The following ZNF254 variants were observed in gnomAD, a reference collection of about 807,000 sequenced individuals.
ZNF254 encodes zinc finger protein 254.
In ZNF254, 10 loss-of-function variants were observed where a neutral mutation model predicts 12.4. That is an observed-to-expected ratio of 0.80 (90% CI 0.50 to 1.36). The LOEUF (loss-of-function observed/expected upper bound fraction) is 1.36, where lower values mean the gene tolerates loss of function less well. Ranked by LOEUF, ZNF254 falls within the 40% of genes most tolerant of loss-of-function variation. The pLI, the probability that ZNF254 is intolerant of heterozygous loss-of-function variation, is 0.00. For missense variants in ZNF254, 996 were observed against 763.9 expected (o/e 1.30, Z -3.58); for synonymous variants, 305 against 253.4 (o/e 1.20, Z -1.93).
chr19:24,070,471 T>A (rs1243438671), intron 2 of ZNF254, among the ~76,000 whole-genome samples: 1 of 151,920 alleles, frequency 6.6e-6, no homozygotes, highest in Non-Finnish European at 1.5e-5. Flanking sequence ...ACAGCTGGGC[T>A]GGTGACTCAG....
chr19:24,095,359 T>C (rs1972612407), intron 1 of ZNF254, among the ~76,000 whole-genome samples: 2 of 152,204 alleles, frequency 1.3e-5, no homozygotes, highest in Non-Finnish European at 2.9e-5. Context: ...GTTTGTTTTA[T>C]CTTTGCCAGG....
chr19:24,116,364 G>A (rs940430746), intron 3 of ZNF254, among the ~76,000 whole-genome samples: 36 of 152,114 alleles, frequency 2.4e-4, no homozygotes, highest in African/African-American at 7.9e-4. Context: ...TTTTCACATA[G>A]TCCCATATTT....
At chr19:24,040,811 T>C (rs1970126735) in intron 1 of ZNF254, among the ~76,000 whole-genome samples, 1 of 152,214 alleles carries the variant, frequency 6.6e-6, no homozygotes, top group African/African-American at 2.4e-5. Context: ...TGGCAAAGCA[T>C]GTGATCCTCT....
intron 2 of ZNF254, among the ~76,000 whole-genome samples, chr19:24,077,364 A>G (rs1299991369): frequency 1.3e-5 from 2 of 152,184 alleles, no homozygotes; most frequent in African/African-American, 4.8e-5. Context: ...CCTTGGCAGA[A>G]TAAACTTTCC....
chr19:24,050,406 C>T (rs1009135829), intron 2 of ZNF254, among the ~76,000 whole-genome samples: 5 of 152,142 alleles, frequency 3.3e-5, no homozygotes, highest in African/African-American at 4.8e-5. Context: ...CCAGTCCACC[C>T]GCCTTGACCT....
chr19:24,118,043 C>CT (rs1346513995), intron 3 of ZNF254, among the ~76,000 whole-genome samples: 2 of 149,816 alleles, frequency 1.3e-5, no homozygotes, highest in African/African-American at 4.9e-5. Flanking sequence ...ACATGGGTTT[C>CT]TTTTTTTTCT....
chr19:24,050,470 A>G (rs551388888), intron 2 of ZNF254, among the ~76,000 whole-genome samples: 1 of 152,152 alleles, frequency 6.6e-6, no homozygotes, highest in Admixed American at 6.5e-5. Flanking sequence ...CCCTTTGACT[A>G]TTTTATGTGA....
At chr19:24,084,146 T>C (rs879913388), upstream of ZNF254, among the ~76,000 whole-genome samples, 26 of 147,740 alleles carry the variant, frequency 1.8e-4, no homozygotes, top group Non-Finnish European at 2.8e-4. Flanking sequence ...ACATTTTCTT[T>C]ATATATATAT....
intron 2 of ZNF254, chr19:24,066,261 G>A (rs936159841): frequency 6.6e-6 from 1 of 152,170 alleles, no homozygotes; most frequent in African/African-American, 2.4e-5. Context: ...TTACAGGAAA[G>A]ATGATTGACA....
intron 1 of ZNF254, among the ~76,000 whole-genome samples, chr19:24,037,142 A>G (rs1969996603): frequency 6.6e-6 from 1 of 152,204 alleles, no homozygotes; most frequent in Non-Finnish European, 1.5e-5. Flanking sequence ...AGCATAAACC[A>G]GTCTTTCCAG....
intron 3 of ZNF254, among the ~76,000 whole-genome samples, chr19:24,115,198 T>G (rs549796117): frequency 1.3e-5 from 2 of 151,954 alleles, no homozygotes; most frequent in Non-Finnish European, 2.9e-5. Context: ...GGACTATAAA[T>G]CATGCTGCTA....
At chr19:24,055,675 G>C (rs1217056418) in intron 2 of ZNF254, among the ~76,000 whole-genome samples, 1 of 152,144 alleles carries the variant, frequency 6.6e-6, no homozygotes, top group African/African-American at 2.4e-5. Context: ...ATCACACCTA[G>C]AGGAAGTCAA....
rs779371659 is a variant in ZNF254, at chr19:24,126,626, C to T, written c.626C>T (p.Ser209Phe). 1 of 1,609,706 alleles carries T rather than the reference C, an allele frequency of 6.2e-7. No individual in the cohort carries two copies. Among genetic ancestry groups the T allele is most frequent in the South Asian group, 1.1e-5 (1 of 89,884 alleles). Reference sequence around the variant, plus strand: ...AAAAGCATTTATCATAGAGAGAAGTCCTACAAATGTAAAGAATGTGGAAAA... The same window carrying T: ...AAAAGCATTTATCATAGAGAGAAGTTCTACAAATGTAAAGAATGTGGAAAA... ...QHKSIYHREK[S>F]YKCKECGKTF... The change falls in exon 4 of 4, where the codon TCC becomes TTC. Residue 209 changes from serine to phenylalanine, a missense_variant. Ser to Phe is a radical substitution (Grantham distance 155). Transcript: ENST00000357002.
At position 24,127,349 on chromosome 19, in the gene ZNF254, C is replaced by T. The variant is rs751375448; in HGVS notation, c.1349C>T (p.Thr450Ile). ...GCATTTATCTGGTCCTCAACCCTTA[C>T]TAAACATAAGAGAATTCATACTAGA... Reference protein sequence around the residue: ...GKAFIWSSTLTKHKRIHTREK... With the variant: ...GKAFIWSSTLIKHKRIHTREK... Residue 450 changes from threonine (T) to isoleucine (I), a missense_variant, in exon 4 of 4, where the codon ACT becomes ATT. Transcript: ENST00000357002. The T allele has an allele frequency of 7.4e-6, 12 of 1,613,510 alleles. No homozygotes were observed. The highest frequency in any genetic ancestry group is 1.0e-5 in the Non-Finnish European group (12 of 1,179,820).
intron 2 of ZNF254, among the ~76,000 whole-genome samples, chr19:24,074,779 G>T (rs1181888916): frequency 6.6e-6 from 1 of 152,116 alleles, no homozygotes; most frequent in Non-Finnish European, 1.5e-5. Flanking sequence ...ATTGTGATAT[G>T]TAGCTGGGTC....
At chr19:24,102,721 TAC>T (rs2145781566) in intron 1 of ZNF254, among the ~76,000 whole-genome samples, 1 of 152,324 alleles carries the variant, frequency 6.6e-6, no homozygotes, top group African/African-American at 2.4e-5. Flanking sequence ...AACCAGTGTT[TAC>T]AGAGACATTC....
At chr19:24,063,641 T>G (rs1028638472) in intron 2 of ZNF254, among the ~76,000 whole-genome samples, 5 of 152,212 alleles carry the variant, frequency 3.3e-5, no homozygotes, top group African/African-American at 1.2e-4. Context: ...TGACTTACTT[T>G]TCCTGCCTGT....
chr19:24,111,268 C>A (rs1251635018), intron 3 of ZNF254, among the ~76,000 whole-genome samples: 1 of 152,140 alleles, frequency 6.6e-6, no homozygotes. Context: ...CATGTCCCTA[C>A]AAAGGACATG....
At chr19:24,061,143 G>A (rs991603018) in intron 2 of ZNF254, among the ~76,000 whole-genome samples, 1 of 152,168 alleles carries the variant, frequency 6.6e-6, no homozygotes, top group African/African-American at 2.4e-5. Flanking sequence ...TGTATATTTT[G>A]ACATTTCACT....
Sources: allele counts gnomAD v4.1 joint callset (sites outside exome capture counted in the v4.1 genomes callset), GRCh38; gene constraint gnomAD v4.1.1; transcripts MANE v1.5; gene names NCBI Gene and HGNC (gene_info 2026-07-23, HGNC 2026-07-21).